DAB2: variants seen among roughly 807,000 people sequenced by gnomAD.
DAB2 encodes the protein disabled homolog 2.
A neutral mutation model predicts 71.6 loss-of-function variants in DAB2; 28 were observed. That is an observed-to-expected ratio of 0.39 (90% CI 0.29 to 0.54). The LOEUF is 0.54. Ranked by LOEUF, DAB2 falls within the 20% of genes least tolerant of loss-of-function variation. The pLI is 0.68. For missense variants in DAB2, 867 were observed against 928.8 expected (o/e 0.93, Z 0.86); for synonymous variants, 345 against 339.7 (o/e 1.02, Z -0.17).
intron 13 of DAB2, among the ~76,000 whole-genome samples, 165 bp from the exon 14 acceptor site, chr5:39,375,249 A>T (rs983431574): frequency 6.6e-6 from 1 of 152,170 alleles, no homozygotes; most frequent in Admixed American, 6.5e-5. Flanking sequence ...CTGCTTGCAG[A>T]TGGCAGTGTA....
intron 1 of DAB2, among the ~76,000 whole-genome samples, chr5:39,413,157 C>A (rs1032519467): frequency 3.6e-4 from 54 of 152,080 alleles, no homozygotes; most frequent in African/African-American, 1.2e-3. Context: ...TCAGAGAGCT[C>A]TGCAGTATGA....
At chr5:39,377,345 A>G (rs1209218266) in intron 11 of DAB2, 63 bp from the exon 12 acceptor site, 42 of 1,531,548 alleles carry the variant, frequency 2.7e-5, no homozygotes, top group East Asian at 2.5e-4. Context: ...CTTGAATTTC[A>G]GAGAGCACAA....
At chr5:39,380,551 G>A (rs934651717) in intron 11 of DAB2, among the ~76,000 whole-genome samples, 1 of 152,170 alleles carries the variant, frequency 6.6e-6, no homozygotes, top group Non-Finnish European at 1.5e-5. Context: ...AAGAAAAATA[G>A]AGTCCATAGC....
Position 39,382,660 on chromosome 5 carries a change from A to G in DAB2, c.1299T>C (p.Pro433=), listed in dbSNP as rs1345048609. The change falls in exon 10 of 15, where the codon CCT becomes CCC. Residue 433 remains proline, a synonymous_variant. Transcript: ENST00000320816. ...CTCTTCCTGGTTTGGTACTTTGTGG[A>G]GGTGGGATAATGGCTATGGAGTCAT... ...SPHDSIAIIP[P]PQSTKPGRGR... 6.2e-7 allele frequency: 1 copy of G among 1,614,108 alleles called. No homozygotes were observed. The highest frequency in any genetic ancestry group is 8.5e-7 in the Non-Finnish European group (1 of 1,179,964).
chr5:39,388,346 A>C lies in DAB2; in HGVS notation c.646T>G (p.Phe216Val). 6.2e-7 allele frequency: 1 copy of C among 1,612,298 alleles called. No individual in the cohort carries two copies. Among genetic ancestry groups the C allele is most frequent in the Non-Finnish European group, 8.5e-7 (1 of 1,178,686 alleles). ...TCAGGAGGTGTAGACATGTCCCCAA[A>C]CAAATCCATCTGGTCAACACCCTTA... is the stretch of plus-strand genomic sequence containing the variant. The part of the protein sequence containing the change: ...LKSGVDQMDL[F>V]GDMSTPPDLN... Residue 216 changes from phenylalanine (F) to valine (V), a missense_variant, in exon 9 of 15, where the codon TTT becomes GTT. Coordinates refer to ENST00000320816, the MANE Select transcript of DAB2 (RefSeq NM_001343.4).
At chr5:39,419,055 T>C (rs1177053475) in intron 1 of DAB2, among the ~76,000 whole-genome samples, 3 of 152,228 alleles carry the variant, frequency 2.0e-5, no homozygotes, top group African/African-American at 4.8e-5. Context: ...GTTCCAATTA[T>C]ATACTTGTAC....
intron 4 of DAB2, 78 bp downstream of exon 4, chr5:39,392,286 AG>A (rs1755249545): frequency 9.9e-7 from 1 of 1,011,794 alleles, no homozygotes; most frequent in South Asian, 1.3e-5. Flanking sequence ...AGAACGAAGA[AG>A]GGGAGCCGAA....
At chr5:39,378,671 T>G (rs1196111720) in intron 11 of DAB2, among the ~76,000 whole-genome samples, 8 of 152,168 alleles carry the variant, frequency 5.3e-5, no homozygotes, top group Non-Finnish European at 8.8e-5. Context: ...GCATGCTTTT[T>G]GGAGGTGAGG....
At chr5:39,412,313 T>C (rs1755750419) in intron 1 of DAB2, among the ~76,000 whole-genome samples, 1 of 152,086 alleles carries the variant, frequency 6.6e-6, no homozygotes, top group African/African-American at 2.4e-5. Flanking sequence ...TTAGAGCACA[T>C]GGGGGTCTGG....
At chr5:39,418,035 G>A (rs1447681311) in intron 1 of DAB2, 5 of 152,128 alleles carry the variant, frequency 3.3e-5, no homozygotes, top group African/African-American at 1.2e-4. Context: ...AAAATGAATT[G>A]CATTTAAGTC....
rs1209412265 is a variant in DAB2, at chr5:39,377,294, G to A, written c.1505-12C>T. 1.3e-6 allele frequency: 2 copies of A among 1,599,552 alleles called. No individual in the cohort carries two copies. The highest frequency in any genetic ancestry group is 1.7e-5 in the Admixed American group (1 of 57,548). ...GACAGTTACACCACCTGAAGTAAGAGGAAGAAAAATACTTATCAGGAGTCA... is the reference window on the plus strand; with the variant it reads ...GACAGTTACACCACCTGAAGTAAGAAGAAGAAAAATACTTATCAGGAGTCA... On this transcript the variant is annotated splice_polypyrimidine_tract_variant and intron_variant, in intron 11 of 14. Transcript: ENST00000320816.
rs1754860654 is a variant in DAB2 at position 39,377,422 on chromosome 5, G to A, written c.1505-140C>T. 15 of 853,610 alleles carry A rather than the reference G, an allele frequency of 1.8e-5. 1 individual carries two copies. In the South Asian group the frequency reaches 2.6e-4, roughly 15 times the overall value. The allele number at this position is 853,610 out of a possible 1,614,324, so 52.9% of individuals were successfully genotyped here. The stretch of plus-strand genomic sequence containing the variant: ...CCTGAGGCTGATATGGGAAGAATAT[G>A]ACAGATTAATCACTGTAAAAGTTAG... On this transcript the variant is annotated intron_variant, in intron 11 of 14. Coordinates refer to ENST00000320816, the MANE Select transcript of DAB2 (RefSeq NM_001343.4).
At chr5:39,388,948 T>C in intron 7 of DAB2, 96 bp from the exon 8 acceptor site, 1 of 1,312,310 alleles carries the variant, frequency 7.6e-7, no homozygotes, top group South Asian at 1.2e-5. Context: ...ATGGTTTTGG[T>C]ATCATCTTTT....
chr5:39,398,672 C>T (rs188933662), intron 1 of DAB2, among the ~76,000 whole-genome samples: 4 of 152,248 alleles, frequency 2.6e-5, no homozygotes, highest in African/African-American at 4.8e-5. Context: ...CCCAAGACTA[C>T]AAACCCCTTT....
intron 9 of DAB2, 185 bp downstream of exon 9, chr5:39,388,120 T>A: frequency 1.2e-5 from 7 of 561,808 alleles, no homozygotes; most frequent in South Asian, 1.1e-4. Flanking sequence ...ATAACTGAAT[T>A]AGTGTGGATA....
chr5:39,388,616 C>T (rs1755151815), intron 8 of DAB2, among the ~76,000 whole-genome samples, 183 bp downstream of exon 8: 2 of 152,174 alleles, frequency 1.3e-5, no homozygotes, highest in Admixed American at 1.3e-4. Context: ...GATTACTTTT[C>T]TAATCTTTTT....
At position 39,382,535 on chromosome 5, in the gene DAB2, A is replaced by G. The variant is rs972143184; in HGVS notation, c.1341+83T>C. The G allele has an allele frequency of 2.9e-6, 4 of 1,382,108 alleles. No homozygotes were observed. In the Admixed American group the frequency reaches 5.9e-5, roughly 20 times the overall value. The allele number at this position is 1,382,108 out of a possible 1,614,324, so 85.6% of individuals were successfully genotyped here. A position where few individuals can be genotyped will look rare whatever the true frequency, so the allele number is the denominator to read the frequency against. ...CAGCAACACAGGAAACTACGAGAGC[A>G]GCAGGAAAGAGAGCTTGCATCACAC... On this transcript the variant is annotated intron_variant, in intron 10 of 14. Transcript: ENST00000320816.
At chr5:39,417,227 C>T (rs1026355519) in intron 1 of DAB2, 1 of 151,964 alleles carries the variant, frequency 6.6e-6, no homozygotes, top group South Asian at 2.1e-4. Context: ...AGCAAACCAC[C>T]ATGGCACATG....
At chr5:39,397,034 G>C (rs1054109477) in intron 1 of DAB2, among the ~76,000 whole-genome samples, 1 of 152,192 alleles carries the variant, frequency 6.6e-6, no homozygotes, top group East Asian at 1.9e-4. Flanking sequence ...GTGCGCTGGA[G>C]GGAAACTGCC....
Sources: allele counts gnomAD v4.1 joint callset (sites outside exome capture counted in the v4.1 genomes callset), GRCh38; gene constraint gnomAD v4.1.1; transcripts MANE v1.5; gene names NCBI Gene and HGNC (gene_info 2026-07-23, HGNC 2026-07-21).